The following CCDC146 variants were observed in gnomAD, a reference collection of about 807,000 sequenced individuals.
CCDC146 encodes coiled-coil domain-containing protein 146.
Under a neutral mutation model 119.3 loss-of-function variants are expected in CCDC146, and 92 were observed. The observed-to-expected ratio is 0.77, with a 90% confidence interval of 0.65 to 0.92. The LOEUF is 0.92. Among genes scored for constraint, CCDC146 ranks in the 40% least tolerant of loss-of-function variants. CCDC146 has a pLI of 0.00. For missense variants in CCDC146, 1,000 were observed against 1,103.0 expected, an observed-to-expected ratio of 0.91 and a Z score of 1.32; for synonymous variants, 372 against 371.8, an observed-to-expected ratio of 1.00 and a Z score of -0.01.
At chr7:77,205,078 A>C (rs949190015) in intron 2 of CCDC146, among the ~76,000 whole-genome samples, 1 of 152,216 alleles carries the variant, frequency 6.6e-6, no homozygotes, top group African/African-American at 2.4e-5. Context: ...GATTGATCTT[A>C]AGCTTCTTCT....
chr7:77,179,439 GAAGT>G (rs1428194398), intron 2 of CCDC146, among the ~76,000 whole-genome samples: 11 of 152,110 alleles, frequency 7.2e-5, no homozygotes, highest in Middle Eastern at 3.4e-3. Context: ...TATGCACAAA[GAAGT>G]AAGTCTTAGT....
At chr7:77,187,223 T>C (rs1016680200) in intron 2 of CCDC146, among the ~76,000 whole-genome samples, 1 of 152,156 alleles carries the variant, frequency 6.6e-6, no homozygotes, top group African/African-American at 2.4e-5. Flanking sequence ...AGTAGAACAG[T>C]GGGTTTTGCA....
chr7:77,258,320 A>G (rs1793219704), intron 6 of CCDC146, among the ~76,000 whole-genome samples: 1 of 152,176 alleles, frequency 6.6e-6, no homozygotes, highest in South Asian at 2.1e-4. Flanking sequence ...AGCATGATCC[A>G]TTAGCAGTCA....
At chr7:77,235,259 A>G (rs1792712329) in intron 2 of CCDC146, among the ~76,000 whole-genome samples, 1 of 152,222 alleles carries the variant, frequency 6.6e-6, no homozygotes, top group African/African-American at 2.4e-5. Flanking sequence ...AAGTAAATTT[A>G]TTCTTGCAGA....
Position 77,274,467 on chromosome 7 carries a change from GTT to G in CCDC146, c.1270-8_1270-7del. On this transcript the variant is annotated splice_polypyrimidine_tract_variant and intron_variant, in intron 10 of 18. Coordinates refer to ENST00000285871, the MANE Select transcript of CCDC146 (RefSeq NM_020879.3). ...ACAAATAACTTATAATATTATCTGT[GTT>G]TTTTTTCAAAAGAAAATTATATCAG... 1 of 1,455,058 alleles carries G rather than the reference GTT, an allele frequency of 6.9e-7. No individual in the cohort carries two copies. The highest frequency in any genetic ancestry group is 1.5e-5 in the African/African-American group (1 of 68,944). The allele number at this position is 1,455,058 out of a possible 1,614,324, so 90.1% of individuals were successfully genotyped here.
At chr7:77,248,520 TTGTC>T (rs1270658418) in intron 4 of CCDC146, among the ~76,000 whole-genome samples, 3 of 152,240 alleles carry the variant, frequency 2.0e-5, no homozygotes, top group Admixed American at 6.5e-5. Flanking sequence ...GTGGACATAA[TTGTC>T]TGTGTATTCA....
chr7:77,146,238 C>T (rs968106087), intron 1 of CCDC146, among the ~76,000 whole-genome samples: 1 of 151,852 alleles, frequency 6.6e-6, no homozygotes, highest in African/African-American at 2.4e-5. Context: ...GATTGCAACC[C>T]CTGCCTTTTT....
At chr7:77,276,845 T>C (rs187224353) in intron 11 of CCDC146, among the ~76,000 whole-genome samples, 210 of 152,128 alleles carry the variant, frequency 1.4e-3, no homozygotes, top group Admixed American at 3.1e-3. Flanking sequence ...CCAAGGCGGG[T>C]GGATCACCTG....
chr7:77,262,804 A>G (rs1584123664), intron 9 of CCDC146, among the ~76,000 whole-genome samples: 1 of 152,126 alleles, frequency 6.6e-6, no homozygotes, highest in Non-Finnish European at 1.5e-5. Flanking sequence ...TCAGAGGTGT[A>G]CTCCAGTCAG....
intron 2 of CCDC146, among the ~76,000 whole-genome samples, chr7:77,234,694 C>G (rs1231261749): frequency 6.6e-6 from 1 of 151,994 alleles, no homozygotes; most frequent in African/African-American, 2.4e-5. Flanking sequence ...AAGATAGCGC[C>G]ACTGTACTCC....
At chr7:77,127,857 G>A (rs774435407) in intron 1 of CCDC146, among the ~76,000 whole-genome samples, 21 of 151,534 alleles carry the variant, frequency 1.4e-4, no homozygotes, top group Admixed American at 2.6e-4. Flanking sequence ...TCATCTTTTC[G>A]TATTTCATTC....
At position 77,237,968 on chromosome 7, in the gene CCDC146, C is replaced by T. The variant is rs937821248; in HGVS notation, c.239+939C>T. Among the ~76,000 whole-genome samples, 54 of 152,172 alleles carry T rather than the reference C, an allele frequency of 3.5e-4. 1 individual carries two copies. The highest frequency in any genetic ancestry group is 1.0e-3 in the African/African-American group (43 of 41,444). ...ATAGAAACTCCATGCTGCCACTCCCCAGCCATCCTCTCCCCGCAATTCCCA... is the reference window on the plus strand; with the variant it reads ...ATAGAAACTCCATGCTGCCACTCCCTAGCCATCCTCTCCCCGCAATTCCCA... On this transcript the variant is annotated intron_variant, in intron 3 of 18. Coordinates refer to ENST00000285871, the MANE Select transcript of CCDC146 (RefSeq NM_020879.3).
Position 77,155,205 on chromosome 7 carries a change from C to T in CCDC146, c.-11-12453C>T, listed in dbSNP as rs565118224. ...TTGTGGATATAAGAACAGTGTTTCT[C>T]GCCACACTGTGTATATGTGAAGGTT... On this transcript the variant is annotated intron_variant, in intron 1 of 18. Transcript: ENST00000285871. 2.4e-4 allele frequency among the ~76,000 whole-genome samples: 37 copies of T among 152,306 alleles called. 1 individual carries two copies. In the South Asian group the frequency reaches 7.0e-3, roughly 29 times the overall value.
intron 1 of CCDC146, among the ~76,000 whole-genome samples, chr7:77,144,113 C>A (rs1275151663): frequency 6.6e-6 from 1 of 151,644 alleles, no homozygotes; most frequent in Non-Finnish European, 1.5e-5. Context: ...TTGTAGTTCT[C>A]CTTGAAGAGG....
At chr7:77,264,805 C>T (rs553202610) in intron 9 of CCDC146, among the ~76,000 whole-genome samples, 5 of 152,286 alleles carry the variant, frequency 3.3e-5, no homozygotes, top group South Asian at 2.1e-4. Flanking sequence ...GATTAATCAA[C>T]GTTTCATATA....
chr7:77,147,061 T>C (rs1442007057), intron 1 of CCDC146, among the ~76,000 whole-genome samples: 3 of 152,204 alleles, frequency 2.0e-5, no homozygotes, highest in African/African-American at 7.2e-5. Flanking sequence ...CAGATGTAGA[T>C]TTGGTCTTGT....
At position 77,273,712 on chromosome 7, in the gene CCDC146, G is replaced by C; in HGVS notation, c.1192G>C (p.Asp398His). Reference sequence around the variant, plus strand: ...TTTCCAGATGGAAGCTATCCCCAAAGATGATTCTACATTATCTGAGAGAAG... The same window carrying C: ...TTTCCAGATGGAAGCTATCCCCAAACATGATTCTACATTATCTGAGAGAAG... ...LLLEMEAIPKDDSTLSERRRE... is the reference protein window; with the variant it reads ...LLLEMEAIPKHDSTLSERRRE... The change falls in exon 10 of 19, where the codon GAT becomes CAT. Residue 398 changes from aspartate to histidine, a missense_variant. Coordinates refer to ENST00000285871, the MANE Select transcript of CCDC146 (RefSeq NM_020879.3). 6.2e-7 allele frequency: 1 copy of C among 1,609,482 alleles called. No homozygotes were observed. The highest frequency in any genetic ancestry group is 8.5e-7 in the Non-Finnish European group (1 of 1,177,302).
intron 9 of CCDC146, among the ~76,000 whole-genome samples, chr7:77,269,911 C>A (rs1167141740): frequency 6.6e-6 from 1 of 152,158 alleles, no homozygotes; most frequent in Admixed American, 6.5e-5. Context: ...GCCAGGCACT[C>A]CCAGCCCAAG....
intron 2 of CCDC146, among the ~76,000 whole-genome samples, chr7:77,211,918 T>C (rs912930258): frequency 6.6e-6 from 1 of 152,120 alleles, no homozygotes; most frequent in Non-Finnish European, 1.5e-5. Context: ...ATCCAGCCTA[T>C]TTACTCTTTT....
Sources: allele counts gnomAD v4.1 joint callset (sites outside exome capture counted in the v4.1 genomes callset), GRCh38; gene constraint gnomAD v4.1.1; transcripts MANE v1.5; gene names NCBI Gene and HGNC (gene_info 2026-07-23, HGNC 2026-07-21).